WDR59: variants seen among roughly 807,000 people sequenced by gnomAD.
The protein encoded by WDR59 is GATOR2 complex protein WDR59.
A neutral mutation model predicts 131.2 loss-of-function variants in WDR59; 100 were observed. That is an observed-to-expected ratio of 0.76 (90% CI 0.65 to 0.90). The LOEUF (loss-of-function observed/expected upper bound fraction) is 0.90. Among genes scored for constraint, WDR59 ranks in the 40% least tolerant of loss-of-function variants. The probability of loss-of-function intolerance (pLI) is 0.00; values close to 1 mark genes in which losing one functional copy is unlikely to be tolerated. For synonymous variants in WDR59, 601 were observed against 466.2 expected, an observed-to-expected ratio of 1.29 and a Z score of -3.72; for missense variants, 1,203 against 1,262.2, an observed-to-expected ratio of 0.95 and a Z score of 0.71.
rs552126393 is a variant in WDR59, at chr16:74,933,658, C to G, written c.651+4492G>C. On this transcript the variant is annotated intron_variant, in intron 8 of 25. Transcript: ENST00000262144. ...TGGAGTGCATGTGGCATGATCTCAG[C>G]TCACTGCAACCTCCACCTCCCAGGT... Among the ~76,000 whole-genome samples the G allele has an allele frequency of 3.3e-5, 5 of 152,294 alleles. No homozygotes were observed. The South Asian group carries it at 1.0e-3, about 32-fold the overall frequency.
chr16:74,978,959 CT>C (rs1348805519), intron 1 of WDR59: 22 of 152,166 alleles, frequency 1.4e-4, no homozygotes, highest in African/African-American at 4.8e-4. Flanking sequence ...CACTGCAGCA[CT>C]TTTGCAAATA....
intron 8 of WDR59, among the ~76,000 whole-genome samples, chr16:74,931,209 CTATT>C (rs1378267739): frequency 2.6e-5 from 4 of 151,756 alleles, no homozygotes; most frequent in Non-Finnish European, 4.4e-5. Context: ...AATTATGTAA[CTATT>C]TATATGAATT....
At chr16:74,909,759 G>C in intron 15 of WDR59, 63 bp downstream of exon 15, 1 of 1,583,316 alleles carries the variant, frequency 6.3e-7, no homozygotes, top group African/African-American at 1.4e-5. Flanking sequence ...CATGATTTTA[G>C]GGAGAAAGAA....
intron 1 of WDR59, among the ~76,000 whole-genome samples, chr16:74,973,039 A>C (rs551108481): frequency 6.6e-6 from 1 of 151,982 alleles, no homozygotes; most frequent in African/African-American, 2.4e-5. Context: ...CGGGAGTTTG[A>C]GACCAGCCTG....
rs1418042332 is a variant in WDR59 at position 74,872,643 on chromosome 16, C to T, written c.*1566G>A. The T allele has an allele frequency of 6.6e-6, 1 of 151,840 alleles. No individual in the cohort carries two copies. The highest frequency in any genetic ancestry group is 1.9e-4 in the East Asian group (1 of 5,178). The allele number at this position is 151,840 out of a possible 1,614,324, so 9.4% of individuals were successfully genotyped here. A position where few individuals can be genotyped will look rare whatever the true frequency, so the allele number is the denominator to read the frequency against. ...TTGGTGGACACAGATGTTATAACTA[C>T]TCAGAACACAGGCAAACACAGGCAG... On this transcript the variant is annotated 3_prime_UTR_variant, in exon 26 of 26. Transcript: ENST00000262144.
rs1213684870 is a variant in WDR59 at position 74,973,563 on chromosome 16, A to T, written c.55-7741T>A. ...TGGCCTCTCAAAGTGCTAAGATTACAAGGCGTGAGCCACCATGCTTGGCCC... is the reference window on the plus strand; with the variant it reads ...TGGCCTCTCAAAGTGCTAAGATTACTAGGCGTGAGCCACCATGCTTGGCCC... On this transcript the variant is annotated intron_variant, in intron 1 of 25. Transcript: ENST00000262144. Among the ~76,000 whole-genome samples the T allele has an allele frequency of 1.3e-4, 4 of 31,370 alleles. No individual in the cohort carries two copies. In the East Asian group the frequency reaches 0.013, roughly 105 times the overall value. 20.6% of individuals were successfully genotyped at this position (31,370 alleles called of 152,430 possible).
rs778824906 is a variant in WDR59 at position 74,922,113 on chromosome 16, G to A, written c.730-10C>T. On this transcript the variant is annotated splice_polypyrimidine_tract_variant and intron_variant, in intron 9 of 25. Coordinates refer to ENST00000262144, the MANE Select transcript of WDR59 (RefSeq NM_030581.4). ...ATCCATTGCTGAAAGGCTAAGGCAG[G>A]GAAGGGAAAAGCAGGTGATTAGATT... 1 of 1,613,892 alleles carries A rather than the reference G, an allele frequency of 6.2e-7. No individual in the cohort carries two copies. Among genetic ancestry groups the A allele is most frequent in the Non-Finnish European group, 8.5e-7 (1 of 1,179,900 alleles).
At chr16:74,981,151 G>T (rs574270878) in intron 1 of WDR59, among the ~76,000 whole-genome samples, 10 of 151,708 alleles carry the variant, frequency 6.6e-5, no homozygotes, top group South Asian at 6.2e-4. Context: ...GGATCACAAG[G>T]TCAGGAGATC....
At chr16:74,886,637 G>A (rs1338028317) in intron 23 of WDR59, among the ~76,000 whole-genome samples, 2 of 152,156 alleles carry the variant, frequency 1.3e-5, no homozygotes, top group East Asian at 3.9e-4. Context: ...CGCAAATGAT[G>A]GGCTGGGCGT....
At chr16:74,976,536 G>T (rs1378360645) in intron 1 of WDR59, among the ~76,000 whole-genome samples, 1 of 151,556 alleles carries the variant, frequency 6.6e-6, no homozygotes, top group East Asian at 1.9e-4. Context: ...CCACCTTTTG[G>T]GTTCGAGCGA....
intron 17 of WDR59, chr16:74,904,357 A>T (rs1216467016): frequency 1.5e-5 from 6 of 411,432 alleles, no homozygotes; most frequent in Non-Finnish European, 2.6e-5. Context: ...TACAAGGTCA[A>T]CCTACAAATA....
intron 18 of WDR59, among the ~76,000 whole-genome samples, chr16:74,900,777 A>G (rs1965512791): frequency 1.3e-5 from 2 of 152,274 alleles, no homozygotes; most frequent in African/African-American, 2.4e-5. Context: ...AAGAGAAACA[A>G]ACAATAATCT....
intron 8 of WDR59, among the ~76,000 whole-genome samples, chr16:74,934,760 C>A (rs1206895179): frequency 6.6e-6 from 1 of 151,564 alleles, no homozygotes; most frequent in Non-Finnish European, 1.5e-5. Flanking sequence ...CCAGCCTGGG[C>A]AAGACAGTGA....
chr16:74,923,306 T>C (rs1597723345), intron 9 of WDR59, among the ~76,000 whole-genome samples: 1 of 151,798 alleles, frequency 6.6e-6, no homozygotes, highest in African/African-American at 2.4e-5. Context: ...AAAGCCAGAG[T>C]TCCTTCCACC....
At chr16:74,969,729 C>T (rs746553960) in intron 1 of WDR59, among the ~76,000 whole-genome samples, 13 of 151,774 alleles carry the variant, frequency 8.6e-5, no homozygotes, top group South Asian at 2.1e-4. Context: ...CCACCACGCC[C>T]GGCTCATTTT....
chr16:74,874,752 C>T (rs1249487934), intron 25 of WDR59, among the ~76,000 whole-genome samples: 1 of 152,128 alleles, frequency 6.6e-6, no homozygotes, highest in African/African-American at 2.4e-5. Flanking sequence ...CCACCACGCC[C>T]AGCTAAGTTT....
In WDR59 at chr16:74,889,031, A is replaced by G. The variant is rs1964912555; in HGVS notation, c.2195+672T>C. Among the ~76,000 whole-genome samples the G allele has an allele frequency of 3.3e-5, 5 of 152,354 alleles. No individual in the cohort carries two copies. The South Asian group carries it at 8.3e-4, about 25-fold the overall frequency. On this transcript the variant is annotated intron_variant, in intron 21 of 25. Coordinates refer to ENST00000262144, the MANE Select transcript of WDR59 (RefSeq NM_030581.4). The stretch of plus-strand genomic sequence containing the variant: ...TATTTGAGTCTTACACGAAATAAGT[A>G]GAGTAAACCTTATCATCCCTGTGTT...
intron 10 of WDR59, among the ~76,000 whole-genome samples, chr16:74,920,463 C>T (rs1390303912): frequency 6.6e-6 from 1 of 152,128 alleles, no homozygotes; most frequent in East Asian, 1.9e-4. Context: ...TGCAGTGGCA[C>T]AATCTCAGCT....
In WDR59 at chr16:74,921,448, C is replaced by A. The variant is rs148004868; in HGVS notation, c.886+499G>T. Among the ~76,000 whole-genome samples, 151 of 152,314 alleles carry A rather than the reference C, an allele frequency of 9.9e-4. 3 individuals are homozygous for A. In the East Asian group the frequency reaches 0.028, roughly 28 times the overall value. On this transcript the variant is annotated intron_variant, in intron 10 of 25. Coordinates refer to ENST00000262144, the MANE Select transcript of WDR59 (RefSeq NM_030581.4). ...AAAACTTTATTTCCATCCAAAACTA[C>A]CGGTCAACCCCTCCCCACTGGACTG...
Sources: gnomAD v4.1 joint callset for allele counts (sites outside exome capture counted in the v4.1 genomes callset) on GRCh38, gnomAD v4.1.1 for gene constraint, MANE v1.5 for transcripts, NCBI Gene and HGNC (gene_info 2026-07-23, HGNC 2026-07-21) for gene names.